MXI1: variants seen among roughly 807,000 people sequenced by gnomAD.
The protein encoded by MXI1 is max-interacting protein 1.
In MXI1, 18 loss-of-function variants were observed where a neutral mutation model predicts 36.9. The observed-to-expected ratio is 0.49, with a 90% CI of 0.34 to 0.72. The LOEUF (loss-of-function observed/expected upper bound fraction) is 0.72. MXI1 is among the 30% of genes least tolerant of loss of function. The probability of loss-of-function intolerance (pLI) is 0.01; values close to 1 mark genes in which losing one functional copy is unlikely to be tolerated. For synonymous variants in MXI1, 160 were observed against 146.7 expected (o/e 1.09, Z -0.65); for missense variants, 304 against 379.1 (o/e 0.80, Z 1.64).
intron 5 of MXI1, among the ~76,000 whole-genome samples, chr10:110,283,264 CTTT>C (rs573643785): frequency 1.4e-5 from 2 of 143,994 alleles, no homozygotes; most frequent in Non-Finnish European, 1.5e-5. Flanking sequence ...CAAGAATCCA[CTTT>C]TTTTTTTTTT....
At chr10:110,222,027 G>T (rs538197317) in intron 1 of MXI1, among the ~76,000 whole-genome samples, 1 of 152,180 alleles carries the variant, frequency 6.6e-6, no homozygotes, top group African/African-American at 2.4e-5. Context: ...CCGCTGACTT[G>T]AGGAGAGCTT....
chr10:110,239,857 G>T (rs2134382603), intron 2 of MXI1, among the ~76,000 whole-genome samples: 1 of 151,982 alleles, frequency 6.6e-6, no homozygotes, highest in East Asian at 1.9e-4. Context: ...CAAAAGCAAA[G>T]AAATATTACA....
Position 110,280,105 on chromosome 10 carries a change from T to G in MXI1, c.724+20T>G. 1 of 1,559,834 alleles carries G rather than the reference T, an allele frequency of 6.4e-7. No homozygotes were observed. Among genetic ancestry groups the G allele is most frequent in the South Asian group, 1.2e-5 (1 of 83,694 alleles). On this transcript the variant is annotated intron_variant, in intron 5 of 5. Transcript: ENST00000332674. ...AGCGAGGTAGGCAGCTTGCCTCTTC[T>G]CTAATGAAATACTAAACATCTCTGT... is the stretch of plus-strand genomic sequence containing the variant.
chr10:110,268,872 C>A (rs981025153), intron 3 of MXI1, among the ~76,000 whole-genome samples: 3 of 152,024 alleles, frequency 2.0e-5, no homozygotes, highest in Non-Finnish European at 4.4e-5. Context: ...GGGACTATGG[C>A]GTATTTTAAA....
At chr10:110,216,933 G>A (rs61882779) in intron 1 of MXI1, among the ~76,000 whole-genome samples, 4,423 of 152,106 alleles carry the variant, frequency 0.029, 368 homozygotes, top group East Asian at 0.28. Context: ...CTCCAAAAGT[G>A]CTGGGATTAC....
intron 3 of MXI1, among the ~76,000 whole-genome samples, chr10:110,268,378 C>G (rs1317622506): frequency 6.6e-6 from 1 of 152,090 alleles, no homozygotes; most frequent in Non-Finnish European, 1.5e-5. Context: ...TTTTCCTGGG[C>G]TTTTCTAGAG....
intron 2 of MXI1, among the ~76,000 whole-genome samples, chr10:110,232,014 G>A (rs1188953658): frequency 1.3e-5 from 2 of 151,872 alleles, no homozygotes; most frequent in Non-Finnish European, 1.5e-5. Context: ...AGGCTGGAGT[G>A]CAGTGGCGCG....
chr10:110,286,546 T>A lies in MXI1; in HGVS notation c.*1559T>A, dbSNP rs1857429548. ...ATAACTTATTGCTGATTTTAATGGA[T>A]TGTTAATTTCAGTCCTGTAGTTTTA... On this transcript the variant is annotated 3_prime_UTR_variant, in exon 6 of 6. Coordinates refer to ENST00000332674, the MANE Select transcript of MXI1 (RefSeq NM_130439.3). 1.3e-5 allele frequency: 2 copies of A among 152,002 alleles called. No individual in the cohort carries two copies. Among genetic ancestry groups the A allele is most frequent in the African/African-American group, 4.8e-5 (2 of 41,358 alleles). The allele number at this position is 152,002 out of a possible 1,614,324, so 9.4% of individuals were successfully genotyped here.
At chr10:110,278,704 GT>G (rs1857128201) in intron 3 of MXI1, among the ~76,000 whole-genome samples, 6 of 99,052 alleles carry the variant, frequency 6.1e-5, no homozygotes, top group Non-Finnish European at 1.1e-4. Flanking sequence ...GAGGTAGGGT[GT>G]GTGTGTGTGT....
At position 110,285,955 on chromosome 10, in the gene MXI1, A is replaced by G. The variant is rs187463383; in HGVS notation, c.*968A>G. The G allele has an allele frequency of 8.6e-4, 132 of 152,756 alleles. No homozygotes were observed. The highest frequency in any genetic ancestry group is 3.2e-3 in the African/African-American group (132 of 41,576). The allele number at this position is 152,756 out of a possible 1,614,324, so 9.5% of individuals were successfully genotyped here. A position where few individuals can be genotyped will look rare whatever the true frequency, so the allele number is the denominator to read the frequency against. On this transcript the variant is annotated 3_prime_UTR_variant, in exon 6 of 6. Coordinates refer to ENST00000332674, the MANE Select transcript of MXI1 (RefSeq NM_130439.3). The stretch of plus-strand genomic sequence containing the variant: ...TTTTAAAGCTTATCCATAAAAAAAA[A>G]TAGATGTCTTTTATAGTGGAAAAAC...
chr10:110,240,347 G>T (rs1855626651), intron 2 of MXI1, among the ~76,000 whole-genome samples: 1 of 151,920 alleles, frequency 6.6e-6, no homozygotes, highest in Non-Finnish European at 1.5e-5. Flanking sequence ...TAAGGAAAAA[G>T]GTTATTGATT....
chr10:110,228,461 T>G, intron 2 of MXI1, 140 bp downstream of exon 2: 1 of 1,018,056 alleles, frequency 9.8e-7, no homozygotes. Flanking sequence ...AATAATGAAG[T>G]CTAGAAATCA....
At chr10:110,233,601 A>G (rs1348440663) in intron 2 of MXI1, among the ~76,000 whole-genome samples, 1 of 152,116 alleles carries the variant, frequency 6.6e-6, no homozygotes, top group African/African-American at 2.4e-5. Flanking sequence ...CAGGACAAAA[A>G]TGTAGATTAG....
chr10:110,229,567 G>A (rs17127166), intron 2 of MXI1, among the ~76,000 whole-genome samples: 13,383 of 152,100 alleles, frequency 0.088, 1,092 homozygotes, highest in East Asian at 0.29. Flanking sequence ...AGAGCTGCAC[G>A]TTTCCTTTTT....
intron 3 of MXI1, among the ~76,000 whole-genome samples, chr10:110,256,250 G>T (rs768749220): frequency 2.6e-5 from 4 of 152,084 alleles, no homozygotes; most frequent in South Asian, 2.1e-4. Context: ...TTAGGCATTG[G>T]TTTTTTACAT....
Position 110,223,358 on chromosome 10 carries a change from C to T in MXI1, c.275-4831C>T, listed in dbSNP as rs144162784. Among the ~76,000 whole-genome samples the T allele has an allele frequency of 3.8e-3, 574 of 152,118 alleles. 6 individuals are homozygous for T. Among genetic ancestry groups the T allele is most frequent in the African/African-American group, 0.013 (553 of 41,490 alleles). Reference sequence around the variant, plus strand: ...GGACACTTTGGGAGGCTGAGGTGGGCGAGTCACGAGGTCAGGAGTTTGAGA... The same window carrying T: ...GGACACTTTGGGAGGCTGAGGTGGGTGAGTCACGAGGTCAGGAGTTTGAGA... On this transcript the variant is annotated intron_variant, in intron 1 of 5. Coordinates refer to ENST00000332674, the MANE Select transcript of MXI1 (RefSeq NM_130439.3).
At position 110,208,215 on chromosome 10, in the gene MXI1, G is replaced by T. The variant is rs1185539820; in HGVS notation, c.274+133G>T. On this transcript the variant is annotated intron_variant, in intron 1 of 5. Coordinates refer to ENST00000332674, the MANE Select transcript of MXI1 (RefSeq NM_130439.3). ...ACATCCAGCCCTTGGCAGTAAAGCCGATGACACCGGAGAAAGGACACGCAC... is the reference window on the plus strand; with the variant it reads ...ACATCCAGCCCTTGGCAGTAAAGCCTATGACACCGGAGAAAGGACACGCAC... 6 of 905,048 alleles carry T rather than the reference G, an allele frequency of 6.6e-6. 1 individual carries two copies. Among genetic ancestry groups the T allele is most frequent in the South Asian group, 5.6e-5 (3 of 53,986 alleles). 56.1% of individuals were successfully genotyped at this position (905,048 alleles called of 1,614,324 possible). A position where few individuals can be genotyped will look rare whatever the true frequency, so the allele number is the denominator to read the frequency against.
At chr10:110,218,967 T>A (rs1183114473) in intron 1 of MXI1, among the ~76,000 whole-genome samples, 2 of 152,182 alleles carry the variant, frequency 1.3e-5, no homozygotes, top group Non-Finnish European at 2.9e-5. Context: ...AACCACTTTC[T>A]CTCGCTGATC....
intron 2 of MXI1, among the ~76,000 whole-genome samples, chr10:110,229,061 G>GA (rs1244807731): frequency 2.0e-5 from 3 of 152,072 alleles, no homozygotes; most frequent in Admixed American, 6.5e-5. Flanking sequence ...GTCAAAAAGA[G>GA]AAAAAAATAG....
Sources: allele counts gnomAD v4.1 joint callset (sites outside exome capture counted in the v4.1 genomes callset), GRCh38; gene constraint gnomAD v4.1.1; transcripts MANE v1.5; gene names NCBI Gene and HGNC (gene_info 2026-07-23, HGNC 2026-07-21).